Variants in RAB31 observed in about 807,000 individuals in gnomAD.
RAB31 encodes the protein ras-related protein Rab-31.
A neutral mutation model predicts 25.6 loss-of-function variants in RAB31; 21 were observed. The ratio of observed to expected loss-of-function variants is 0.82; its 90% CI spans 0.58 to 1.18. The LOEUF is 1.18. RAB31 is among the 50% of genes most tolerant of loss of function. The pLI, the probability that RAB31 is intolerant of heterozygous loss-of-function variation, is 0.00. For synonymous variants in RAB31, 87 were observed against 84.0 expected (o/e 1.04, Z -0.20); for missense variants, 196 against 250.1 (o/e 0.78, Z 1.46).
chr18:9,752,933 A>C lies in RAB31; in HGVS notation c.40-22345A>C, dbSNP rs1188994454. On this transcript the variant is annotated intron_variant, in intron 1 of 6. Transcript: ENST00000578921. ...ATATCTTGATAAACACATACTACACATTTTCTTTCTTGACTCCAAAAAAAC... is the reference window on the plus strand; with the variant it reads ...ATATCTTGATAAACACATACTACACCTTTTCTTTCTTGACTCCAAAAAAAC... Among the ~76,000 whole-genome samples the C allele has an allele frequency of 2.6e-5, 4 of 152,290 alleles. No individual in the cohort carries two copies. In the East Asian group the frequency reaches 7.7e-4, roughly 29 times the overall value.
intron 2 of RAB31, chr18:9,787,397 C>T (rs2068438865): frequency 6.3e-6 from 1 of 157,860 alleles, no homozygotes; most frequent in South Asian, 1.8e-4. Flanking sequence ...AAACCTTGCA[C>T]ATCATTGGAG....
At chr18:9,812,443 T>C (rs1251186660) in intron 3 of RAB31, among the ~76,000 whole-genome samples, 1 of 152,170 alleles carries the variant, frequency 6.6e-6, no homozygotes, top group Non-Finnish European at 1.5e-5. Context: ...ACATTCCATG[T>C]AGAGTATGTG....
At chr18:9,839,779 C>T (rs1370292615) in intron 5 of RAB31, among the ~76,000 whole-genome samples, 1 of 152,180 alleles carries the variant, frequency 6.6e-6, no homozygotes, top group Admixed American at 6.5e-5. Flanking sequence ...GCATGAACGG[C>T]AGGTCCCTAA....
At chr18:9,743,926 A>C (rs2068192554) in intron 1 of RAB31, among the ~76,000 whole-genome samples, 2 of 152,160 alleles carry the variant, frequency 1.3e-5, no homozygotes, top group Admixed American at 6.5e-5. Context: ...CCCCTCACCC[A>C]TCTTCTGTGG....
chr18:9,859,118 T>G, intron 6 of RAB31, 110 bp from the exon 7 acceptor site: 1 of 857,184 alleles, frequency 1.2e-6, no homozygotes. Flanking sequence ...CAGGAACACC[T>G]TTATTTTGTG....
At chr18:9,719,375 T>A (rs7506320) in intron 1 of RAB31, among the ~76,000 whole-genome samples, 32,517 of 124,380 alleles carry the variant, frequency 0.26, 5,264 homozygotes, top group Middle Eastern at 0.41. Context: ...AATGATCTAG[T>A]AGTGAAATGA....
At chr18:9,825,902 A>G (rs2068647361) in intron 5 of RAB31, among the ~76,000 whole-genome samples, 1 of 152,162 alleles carries the variant, frequency 6.6e-6, no homozygotes, top group Non-Finnish European at 1.5e-5. Context: ...GCACTCACGG[A>G]CATAAAGATG....
At chr18:9,780,685 C>A (rs2068398781) in intron 2 of RAB31, among the ~76,000 whole-genome samples, 1 of 152,134 alleles carries the variant, frequency 6.6e-6, no homozygotes, top group Admixed American at 6.5e-5. Context: ...AATCCCAGCA[C>A]TTTGGGAGGC....
intron 1 of RAB31, among the ~76,000 whole-genome samples, chr18:9,714,074 T>C (rs2068031817): frequency 6.6e-6 from 1 of 152,242 alleles, no homozygotes; most frequent in African/African-American, 2.4e-5. Flanking sequence ...GCATGTGGCC[T>C]CTACTTTTGC....
chr18:9,819,671 T>C (rs140909205), intron 5 of RAB31, among the ~76,000 whole-genome samples: 4 of 152,308 alleles, frequency 2.6e-5, no homozygotes, highest in East Asian at 1.9e-4. Flanking sequence ...TATTCCCATC[T>C]TAACAATTTT....
Position 9,839,746 on chromosome 18 carries a change from G to A in RAB31, c.381-5836G>A, listed in dbSNP as rs1211228390. On this transcript the variant is annotated intron_variant, in intron 5 of 6. Transcript: ENST00000578921. Reference sequence around the variant, plus strand: ...TGGAAGAGAAAGGGTGGAGTCTGTGGCCCCCGAGCCTGTAACCACACAGCA... The same window carrying A: ...TGGAAGAGAAAGGGTGGAGTCTGTGACCCCCGAGCCTGTAACCACACAGCA... Among the ~76,000 whole-genome samples the A allele has an allele frequency of 4.6e-5, 7 of 152,252 alleles. No individual in the cohort carries two copies. The South Asian group carries it at 1.2e-3, about 27-fold the overall frequency.
intron 1 of RAB31, 44 bp from the exon 2 acceptor site, chr18:9,775,234 T>C (rs950082073): frequency 6.2e-7 from 1 of 1,612,644 alleles, no homozygotes; most frequent in Non-Finnish European, 8.5e-7. Context: ...AACCTGTGAG[T>C]TGCCGCCCTT....
intron 1 of RAB31, among the ~76,000 whole-genome samples, chr18:9,710,751 G>A (rs1271655771): frequency 2.0e-5 from 3 of 152,110 alleles, no homozygotes; most frequent in African/African-American, 4.8e-5. Context: ...CCAGCTACTC[G>A]GGAGGCTGAG....
chr18:9,735,459 T>G (rs2068146465), intron 1 of RAB31: 1 of 214,848 alleles, frequency 4.7e-6, no homozygotes. Context: ...ATAACCTGGG[T>G]GACATTTGTC....
rs76516802 is a variant in RAB31 at position 9,846,893 on chromosome 18, C to G, written c.490+1202C>G. On this transcript the variant is annotated intron_variant, in intron 6 of 6. Coordinates refer to ENST00000578921, the MANE Select transcript of RAB31 (RefSeq NM_006868.4). ...TGCAAAAGAATGGCTTGGAGCCTCC[C>G]CTCCCCAGCTGCTGGCCCTTTCCTT... 3.0e-3 allele frequency among the ~76,000 whole-genome samples: 455 copies of G among 152,338 alleles called. 1 individual carries two copies. The highest frequency in any genetic ancestry group is 0.01 in the African/African-American group (430 of 41,584).
intron 5 of RAB31, among the ~76,000 whole-genome samples, chr18:9,831,908 T>C (rs2267557): frequency 0.12 from 17,888 of 152,174 alleles, 1,392 homozygotes; most frequent in East Asian, 0.38. Context: ...CAGTTGTGGC[T>C]CACAGTCCAC....
chr18:9,812,375 C>T (rs2068577225), intron 3 of RAB31, among the ~76,000 whole-genome samples: 1 of 152,168 alleles, frequency 6.6e-6, no homozygotes, highest in Non-Finnish European at 1.5e-5. Flanking sequence ...TCAAATGGGA[C>T]ACACATTTCA....
In RAB31 at chr18:9,708,400, G is replaced by A. The variant is rs1417451693; in HGVS notation, c.-6G>A. The A allele has an allele frequency of 3.2e-6, 5 of 1,562,346 alleles. No homozygotes were observed. In the African/African-American group the frequency reaches 4.3e-5, roughly 13 times the overall value. On this transcript the variant is annotated 5_prime_UTR_variant, in exon 1 of 7. Coordinates refer to ENST00000578921, the MANE Select transcript of RAB31 (RefSeq NM_006868.4). The surrounding 1 kb of genome is among the most constrained non-coding windows in gnomAD (Gnocchi z 6.4). The stretch of plus-strand genomic sequence containing the variant: ...CTGAGCCCCGGCACTGCCTGGCTGC[G>A]AGCACATGATGGCGATACGGGAGCT...
chr18:9,721,487 A>ATG (rs1482580940), intron 1 of RAB31, among the ~76,000 whole-genome samples: 5 of 152,058 alleles, frequency 3.3e-5, no homozygotes, highest in Admixed American at 2.0e-4. Context: ...GTGGTGGTGC[A>ATG]TGCCTGTAAT....
Sources: allele counts gnomAD v4.1 joint callset (sites outside exome capture counted in the v4.1 genomes callset), GRCh38; gene constraint gnomAD v4.1.1; non-coding constraint Gnocchi (gnomAD v3.1); transcripts MANE v1.5; gene names NCBI Gene and HGNC (gene_info 2026-07-23, HGNC 2026-07-21).